The following CYTH1 variants were observed in gnomAD, a reference collection of about 807,000 sequenced individuals.
The protein encoded by CYTH1 is cytohesin-1.
Under a neutral mutation model 61.8 loss-of-function variants are expected in CYTH1, and 18 were observed. The observed-to-expected ratio is 0.29, with a 90% CI of 0.20 to 0.43. The LOEUF is 0.43. Ranked by LOEUF, CYTH1 falls within the 20% of genes least tolerant of loss-of-function variation. The pLI is 1.00. For synonymous variants in CYTH1, 174 were observed against 184.3 expected, an observed-to-expected ratio of 0.94 and a Z score of 0.45; for missense variants, 336 against 510.5, an observed-to-expected ratio of 0.66 and a Z score of 3.29.
chr17:78,752,081 G>T (rs1017546533), intron 1 of CYTH1, among the ~76,000 whole-genome samples: 2 of 152,068 alleles, frequency 1.3e-5, no homozygotes, highest in African/African-American at 4.8e-5. Flanking sequence ...CCTATTACTG[G>T]GAAAGAAACG....
intron 4 of CYTH1, 22 bp downstream of exon 4, chr17:78,702,516 T>C: frequency 1.2e-6 from 2 of 1,613,124 alleles, no homozygotes; most frequent in Non-Finnish European, 1.7e-6. Context: ...TATGGACCAC[T>C]TCCCGCTTCT....
intron 1 of CYTH1, among the ~76,000 whole-genome samples, chr17:78,762,409 A>G (rs1372676046): frequency 6.6e-6 from 1 of 152,222 alleles, no homozygotes; most frequent in Non-Finnish European, 1.5e-5. Flanking sequence ...AATACCCATG[A>G]GGCACACTTC....
chr17:78,773,515 G>A (rs1029728684), intron 1 of CYTH1, among the ~76,000 whole-genome samples: 2 of 134,352 alleles, frequency 1.5e-5, no homozygotes, highest in Admixed American at 7.0e-5. Context: ...CTGTAATTCC[G>A]CTACTCAGGA....
At chr17:78,690,751 A>C (rs1177186189) in intron 11 of CYTH1, among the ~76,000 whole-genome samples, 2 of 152,146 alleles carry the variant, frequency 1.3e-5, no homozygotes, top group Non-Finnish European at 2.9e-5. Flanking sequence ...AAAATGCTAC[A>C]CTTTGCTGAA....
Position 78,676,109 on chromosome 17 carries a change from G to A in CYTH1, c.1179C>T (p.Ser393=). 1 of 1,610,534 alleles carries A rather than the reference G, an allele frequency of 6.2e-7. No homozygotes were observed. The highest frequency in any genetic ancestry group is 8.5e-7 in the Non-Finnish European group (1 of 1,178,644). The stretch of plus-strand genomic sequence containing the variant: ...TGCACGCTCAGTGTCGCTTCGTGGA[G>A]GAGACCTTCTTTTTCCGTGCTGCGA... The part of the protein sequence containing the change: ...EMLAARKKKV[S]STKRH Residue 393 remains serine, a synonymous_variant, in exon 14 of 14, where the codon TCC becomes TCT. Transcript: ENST00000446868.
chr17:78,712,538 C>T (rs928172430), intron 1 of CYTH1, among the ~76,000 whole-genome samples: 18 of 151,866 alleles, frequency 1.2e-4, no homozygotes, highest in African/African-American at 4.1e-4. Flanking sequence ...TGCCTGTAAT[C>T]CCAGCTACTC....
At chr17:78,757,923 T>A (rs1205866074) in intron 1 of CYTH1, among the ~76,000 whole-genome samples, 1 of 150,866 alleles carries the variant, frequency 6.6e-6, no homozygotes, top group Non-Finnish European at 1.5e-5. Flanking sequence ...AAAAAAAAAA[T>A]TCAAAAAAAA....
At chr17:78,690,292 G>T (rs2092866331) in intron 11 of CYTH1, among the ~76,000 whole-genome samples, 1 of 149,632 alleles carries the variant, frequency 6.7e-6, no homozygotes, top group South Asian at 2.1e-4. Flanking sequence ...TACTCCGGAG[G>T]CCGAGGCAGG....
At chr17:78,698,169 AC>A in intron 9 of CYTH1, 99 bp downstream of exon 9, 1 of 982,478 alleles carries the variant, frequency 1.0e-6, no homozygotes, top group Non-Finnish European at 1.6e-6. Context: ...ACACGCACAA[AC>A]ACGCACACGC....
rs113903166 is a variant in CYTH1, at chr17:78,770,800, C to T, written c.22+11402G>A. The stretch of plus-strand genomic sequence containing the variant: ...GATTTAACAATGCCAGGTAAGGGCA[C>T]GCTTCTGAAATAGAAGCCTTGAAGA... On this transcript the variant is annotated intron_variant, in intron 1 of 13. Coordinates refer to ENST00000446868, the MANE Select transcript of CYTH1 (RefSeq NM_004762.6). Among the ~76,000 whole-genome samples the T allele has an allele frequency of 5.3e-3, 806 of 152,210 alleles. 2 individuals carry two copies. Among genetic ancestry groups the T allele is most frequent in the African/African-American group, 0.019 (775 of 41,524 alleles).
At chr17:78,746,132 C>T (rs2144655226) in intron 1 of CYTH1, among the ~76,000 whole-genome samples, 1 of 152,042 alleles carries the variant, frequency 6.6e-6, no homozygotes, top group Non-Finnish European at 1.5e-5. Flanking sequence ...ACTATATACA[C>T]AATAAATAAT....
At position 78,676,807 on chromosome 17, in the gene CYTH1, C is replaced by T. The variant is rs569258497; in HGVS notation, c.1119-638G>A. 165 of 360,022 alleles carry T rather than the reference C, an allele frequency of 4.6e-4. 1 individual carries two copies. Among genetic ancestry groups the T allele is most frequent in the South Asian group, 3.2e-3 (156 of 48,830 alleles). 22.3% of individuals were successfully genotyped at this position (360,022 alleles called of 1,614,324 possible). A position where few individuals can be genotyped will look rare whatever the true frequency, so the allele number is the denominator to read the frequency against. On this transcript the variant is annotated intron_variant, in intron 13 of 13. Coordinates refer to ENST00000446868, the MANE Select transcript of CYTH1 (RefSeq NM_004762.6). ...GCCTCAAAGACAGCAGCGCAGGCCG[C>T]GCCGCGGGCTGGAGCACCTGCAGTG...
intron 9 of CYTH1, among the ~76,000 whole-genome samples, chr17:78,697,269 C>T (rs2092948786): frequency 6.8e-6 from 1 of 147,752 alleles, no homozygotes; most frequent in Admixed American, 6.8e-5. Flanking sequence ...ATGTGAGAAC[C>T]CAACTCATCA....
At chr17:78,739,894 C>A (rs2093335403) in intron 1 of CYTH1, among the ~76,000 whole-genome samples, 2 of 151,850 alleles carry the variant, frequency 1.3e-5, no homozygotes, top group South Asian at 4.2e-4. Flanking sequence ...AAGGGTGACT[C>A]CGAGCTTTCT....
intron 1 of CYTH1, among the ~76,000 whole-genome samples, chr17:78,747,403 T>C (rs1325462979): frequency 2.0e-5 from 3 of 151,780 alleles, no homozygotes; most frequent in Non-Finnish European, 2.9e-5. Context: ...TTGAAGGATC[T>C]AGAGGTCAAC....
At chr17:78,698,997 C>T (rs1385617509) in intron 7 of CYTH1, 29 bp from the exon 8 acceptor site, 9 of 1,603,644 alleles carry the variant, frequency 5.6e-6, no homozygotes, top group Non-Finnish European at 7.6e-6. Flanking sequence ...CAAAGGGGAG[C>T]CGTTGCATGC....
At chr17:78,702,008 C>T in intron 5 of CYTH1, 114 bp downstream of exon 5, 3 of 914,882 alleles carry the variant, frequency 3.3e-6, no homozygotes, top group Non-Finnish European at 5.2e-6. Context: ...AGTGGGGCTA[C>T]AGATGCTTTA....
At chr17:78,749,457 C>A (rs8078804) in intron 1 of CYTH1, among the ~76,000 whole-genome samples, 2 of 151,742 alleles carry the variant, frequency 1.3e-5, no homozygotes, top group Admixed American at 6.6e-5. Flanking sequence ...GAGACTCCAT[C>A]CCCCCTACAA....
intron 1 of CYTH1, among the ~76,000 whole-genome samples, chr17:78,719,446 G>A (rs138989402): frequency 3.9e-4 from 60 of 152,238 alleles, no homozygotes; most frequent in African/African-American, 1.4e-3. Flanking sequence ...AAACAGTCGA[G>A]GAGTCAAAGA....
Sources: gnomAD v4.1 joint callset for allele counts (sites outside exome capture counted in the v4.1 genomes callset) on GRCh38, gnomAD v4.1.1 for gene constraint, MANE v1.5 for transcripts, NCBI Gene and HGNC (gene_info 2026-07-23, HGNC 2026-07-21) for gene names.